Variants in ZC3H3 observed in about 807,000 individuals in gnomAD.
ZC3H3 encodes the protein zinc finger CCCH domain-containing protein 3.
Under a neutral mutation model 77.3 loss-of-function variants are expected in ZC3H3, and 36 were observed. The ratio of observed to expected loss-of-function variants is 0.47; its 90% CI spans 0.36 to 0.61. The LOEUF (loss-of-function observed/expected upper bound fraction) is 0.61. ZC3H3 is among the 20% of genes least tolerant of loss of function. The pLI is 0.00. For synonymous variants in ZC3H3, 626 were observed against 555.2 expected, an observed-to-expected ratio of 1.13 and a Z score of -1.79; for missense variants, 1,331 against 1,312.2, an observed-to-expected ratio of 1.01 and a Z score of -0.22.
At chr8:143,468,584 G>C (rs2129878093) in intron 6 of ZC3H3, 33 bp downstream of exon 6, 1 of 1,587,628 alleles carries the variant, frequency 6.3e-7, no homozygotes, top group Non-Finnish European at 8.6e-7. Flanking sequence ...GGCGAGCAGG[G>C]AGCCCACCCA....
At chr8:143,473,477 A>G (rs1820637242) in intron 5 of ZC3H3, among the ~76,000 whole-genome samples, 1 of 152,148 alleles carries the variant, frequency 6.6e-6, no homozygotes, top group African/African-American at 2.4e-5. Context: ...TCCATGGGAG[A>G]TGCAGGGCAC....
chr8:143,536,678 GA>G (rs749097804), intron 2 of ZC3H3, among the ~76,000 whole-genome samples: 3 of 152,160 alleles, frequency 2.0e-5, no homozygotes, highest in African/African-American at 4.8e-5. Flanking sequence ...GATGACCCCA[GA>G]ACTAGGGCAG....
intron 4 of ZC3H3, among the ~76,000 whole-genome samples, chr8:143,496,149 A>T (rs378184): frequency 1.3e-5 from 2 of 151,858 alleles, no homozygotes; most frequent in Admixed American, 1.3e-4. Context: ...CAGGCTGAGT[A>T]AACCAGCAGA....
At chr8:143,541,203 T>A (rs1823001866) in intron 1 of ZC3H3, among the ~76,000 whole-genome samples, 173 bp downstream of exon 1, 1 of 152,146 alleles carries the variant, frequency 6.6e-6, no homozygotes, top group African/African-American at 2.4e-5. Context: ...AGCCGGGGAC[T>A]GACCCGGGCC....
chr8:143,443,771 A>T (rs139796387), intron 9 of ZC3H3, among the ~76,000 whole-genome samples: 1 of 152,368 alleles, frequency 6.6e-6, no homozygotes, highest in East Asian at 1.9e-4. Flanking sequence ...GTAACTAAAG[A>T]TGCTGCAGAT....
At position 143,486,293 on chromosome 8, in the gene ZC3H3, T is replaced by C. The variant is rs147945359; in HGVS notation, c.1716-10708A>G. Among the ~76,000 whole-genome samples the C allele has an allele frequency of 1.8e-3, 279 of 152,336 alleles. 5 individuals carry two copies. In the East Asian group the frequency reaches 0.047, roughly 26 times the overall value. ...CGGCTGCCTGGCTGCTGCCATGGAA[T>C]GCTCTGCAGTGGGCGGCTACGACAA... On this transcript the variant is annotated intron_variant, in intron 4 of 11. Coordinates refer to ENST00000262577, the MANE Select transcript of ZC3H3 (RefSeq NM_015117.3).
chr8:143,445,416 A>T (rs1310899687), intron 9 of ZC3H3, among the ~76,000 whole-genome samples: 8 of 141,478 alleles, frequency 5.7e-5, no homozygotes, highest in Non-Finnish European at 9.2e-5. Flanking sequence ...AAAGAACCTT[A>T]TTAAAACACA....
At chr8:143,471,784 C>T (rs1184576212) in intron 5 of ZC3H3, among the ~76,000 whole-genome samples, 1 of 152,236 alleles carries the variant, frequency 6.6e-6, no homozygotes, top group Non-Finnish European at 1.5e-5. Context: ...GGCTGCTGCA[C>T]TTTCTTGTTG....
chr8:143,470,976 C>T (rs973525056), intron 5 of ZC3H3, among the ~76,000 whole-genome samples: 15 of 152,228 alleles, frequency 9.9e-5, no homozygotes, highest in South Asian at 4.1e-4. Flanking sequence ...ACCCCCTGCT[C>T]GGTGCCCCAG....
chr8:143,516,527 A>ACT (rs1563873632), intron 3 of ZC3H3, among the ~76,000 whole-genome samples: 4 of 15,884 alleles, frequency 2.5e-4, no homozygotes, highest in Non-Finnish European at 6.9e-4. Context: ...CTTTGCAATC[A>ACT]CACACACACA....
At chr8:143,488,627 T>C (rs1266976138) in intron 4 of ZC3H3, among the ~76,000 whole-genome samples, 1 of 152,140 alleles carries the variant, frequency 6.6e-6, no homozygotes, top group Admixed American at 6.5e-5. Flanking sequence ...GCTCATGGGG[T>C]AGACATGAGT....
At position 143,493,637 on chromosome 8, in the gene ZC3H3, C is replaced by A. The variant is rs1372958840; in HGVS notation, c.1715+14109G>T. On this transcript the variant is annotated intron_variant, in intron 4 of 11. Coordinates refer to ENST00000262577, the MANE Select transcript of ZC3H3 (RefSeq NM_015117.3). This position sits in a 1 kb window ranked among gnomAD's most constrained non-coding sequence, Gnocchi z 4.8. ...ACCACAGCACACTTTGAAACAACTTCCAAATTAAGAGTTGCATCCATGCTG... is the reference window on the plus strand; with the variant it reads ...ACCACAGCACACTTTGAAACAACTTACAAATTAAGAGTTGCATCCATGCTG... Among the ~76,000 whole-genome samples, 1 of 152,232 alleles carries A rather than the reference C, an allele frequency of 6.6e-6. No individual in the cohort carries two copies. Among genetic ancestry groups the A allele is most frequent in the Admixed American group, 6.5e-5 (1 of 15,284 alleles).
chr8:143,442,953 A>G (rs945393336), intron 9 of ZC3H3, among the ~76,000 whole-genome samples: 6 of 152,198 alleles, frequency 3.9e-5, no homozygotes, highest in African/African-American at 7.2e-5. Flanking sequence ...CTCCTGCAGA[A>G]CACAACCAAA....
Position 143,470,411 on chromosome 8 carries a change from C to T in ZC3H3, c.1904-1752G>A, listed in dbSNP as rs530621304. On this transcript the variant is annotated intron_variant, in intron 5 of 11. Transcript: ENST00000262577. ...AGGGAGGGTGATGAGGGTCTTGGTG[C>T]GGAGGGACCAACGCGGGGGTGCTCA... Among the ~76,000 whole-genome samples, 17 of 152,310 alleles carry T rather than the reference C, an allele frequency of 1.1e-4. No individual in the cohort carries two copies. In the South Asian group the frequency reaches 2.7e-3, roughly 24 times the overall value.
intron 3 of ZC3H3, among the ~76,000 whole-genome samples, chr8:143,525,680 TC>T (rs1822389832): frequency 6.6e-6 from 1 of 152,234 alleles, no homozygotes; most frequent in Non-Finnish European, 1.5e-5. Flanking sequence ...GCCCTGGTCT[TC>T]CTGCTATGCC....
chr8:143,538,527 C>A lies in ZC3H3; in HGVS notation c.840G>T (p.Gly280=). ...GTCCTGAGGCCGGTCTGGCGGGGCC[C>A]CCCACTGAGCCAGACGGAACTGGCT... The part of the protein sequence containing the change: ...TDQPVPSGSV[G]GPARPASGPR... The change falls in exon 2 of 12, where the codon GGG becomes GGT. Residue 280 remains glycine (G), a synonymous_variant. Coordinates refer to ENST00000262577, the MANE Select transcript of ZC3H3 (RefSeq NM_015117.3). The A allele has an allele frequency of 6.2e-7, 1 of 1,612,222 alleles. No individual in the cohort carries two copies.
At position 143,459,375 on chromosome 8, in the gene ZC3H3, C is replaced by T. The variant is rs575836569; in HGVS notation, c.2307+6342G>A. Among the ~76,000 whole-genome samples the T allele has an allele frequency of 2.4e-4, 36 of 152,224 alleles. 1 individual carries two copies. The South Asian group carries it at 3.9e-3, about 17-fold the overall frequency. ...CTAGCCTCACCAACATGGCGAAACC[C>T]GCGTCTCTACTAAAACTACAAAAAT... On this transcript the variant is annotated intron_variant, in intron 9 of 11. Transcript: ENST00000262577.
chr8:143,465,769 T>C lies in ZC3H3; in HGVS notation c.2255A>G (p.Lys752Arg). ...CPYSHVYVSR[K>R]AEVCSDFLKG... The stretch of plus-strand genomic sequence containing the variant: ...GAGGAAGTCGCTGCAGACCTCGGCC[T>C]TGCGGGACACGTACACGTGGCTATA... The change falls in exon 9 of 12, where the codon AAG becomes AGG. Residue 752 changes from lysine (K) to arginine (R), a missense_variant. By Grantham distance (26) the Lys-to-Arg change is conservative. Coordinates refer to ENST00000262577, the MANE Select transcript of ZC3H3 (RefSeq NM_015117.3). 6.2e-7 allele frequency: 1 copy of C among 1,613,920 alleles called. No individual in the cohort carries two copies. Among genetic ancestry groups the C allele is most frequent in the African/African-American group, 1.3e-5 (1 of 75,062 alleles).
Position 143,491,184 on chromosome 8 carries a change from G to A in ZC3H3, c.1716-15599C>T, listed in dbSNP as rs564393768. ...AGGCACAGGGGGCTCCGCCCTCCCCGGCCTGAGGGGAATTCCACGGATCCC... is the reference window on the plus strand; with the variant it reads ...AGGCACAGGGGGCTCCGCCCTCCCCAGCCTGAGGGGAATTCCACGGATCCC... On this transcript the variant is annotated intron_variant, in intron 4 of 11. Coordinates refer to ENST00000262577, the MANE Select transcript of ZC3H3 (RefSeq NM_015117.3). Among the ~76,000 whole-genome samples the A allele has an allele frequency of 9.9e-5, 15 of 152,282 alleles. No homozygotes were observed. The East Asian group carries it at 1.5e-3, about 16-fold the overall frequency.
Sources: allele counts gnomAD v4.1 joint callset (sites outside exome capture counted in the v4.1 genomes callset), GRCh38; gene constraint gnomAD v4.1.1; non-coding constraint Gnocchi (gnomAD v3.1); transcripts MANE v1.5; gene names NCBI Gene and HGNC (gene_info 2026-07-23, HGNC 2026-07-21).